MAML3: variants seen among roughly 807,000 people sequenced by gnomAD.
The protein encoded by MAML3 is mastermind-like protein 3.
In MAML3, 27 loss-of-function variants were observed where a neutral mutation model predicts 101.9. The observed-to-expected ratio is 0.27, with a 90% CI of 0.20 to 0.37. The LOEUF is 0.37. Ranked by LOEUF, MAML3 falls within the 10% of genes least tolerant of loss-of-function variation. The probability of loss-of-function intolerance (pLI) is 1.00; values close to 1 mark genes in which losing one functional copy is unlikely to be tolerated. For synonymous variants in MAML3, 501 were observed against 555.9 expected, an observed-to-expected ratio of 0.90 and a Z score of 1.39; for missense variants, 1,316 against 1,444.9, an observed-to-expected ratio of 0.91 and a Z score of 1.45.
intron 1 of MAML3, among the ~76,000 whole-genome samples, chr4:140,049,731 T>C (rs1727237896): frequency 1.3e-5 from 2 of 152,012 alleles, no homozygotes; most frequent in Non-Finnish European, 2.9e-5. Context: ...GGGAGAAAGA[T>C]GGTTATCTAG....
chr4:139,877,889 C>T (rs1349804756), intron 2 of MAML3, among the ~76,000 whole-genome samples: 6 of 152,124 alleles, frequency 3.9e-5, no homozygotes, highest in Admixed American at 1.3e-4. Flanking sequence ...ATTATACCAT[C>T]CCAATATTTA....
intron 1 of MAML3, among the ~76,000 whole-genome samples, chr4:140,120,651 C>A (rs1728592518): frequency 6.6e-6 from 1 of 152,194 alleles, no homozygotes; most frequent in African/African-American, 2.4e-5. Context: ...CATATAAAGA[C>A]TGGTCACAGC....
At chr4:140,151,690 C>CGGG (rs397995581) in intron 1 of MAML3, among the ~76,000 whole-genome samples, 30 of 125,644 alleles carry the variant, frequency 2.4e-4, no homozygotes, top group South Asian at 5.5e-4. Flanking sequence ...CGGCGCGGTG[C>CGGG]GGGGGGGGGG....
At chr4:139,800,234 T>TTAC (rs1177528834) in intron 2 of MAML3, among the ~76,000 whole-genome samples, 2 of 152,116 alleles carry the variant, frequency 1.3e-5, no homozygotes, top group African/African-American at 4.8e-5. Context: ...ATGCAGTGAT[T>TTAC]TAGGAGTGGT....
chr4:139,909,196 A>G (rs77460905), intron 1 of MAML3, among the ~76,000 whole-genome samples: 267 of 152,330 alleles, frequency 1.8e-3, no homozygotes, highest in African/African-American at 6.2e-3. Flanking sequence ...AAATAGGCAT[A>G]TTCACATCTG....
chr4:139,777,440 C>T (rs1204363259), intron 2 of MAML3, among the ~76,000 whole-genome samples: 1 of 152,226 alleles, frequency 6.6e-6, no homozygotes, highest in African/African-American at 2.4e-5. Flanking sequence ...TTCCCCAGTC[C>T]AAGCCATCAT....
intron 2 of MAML3, among the ~76,000 whole-genome samples, chr4:139,843,805 G>C (rs1224269707): frequency 2.0e-5 from 3 of 152,102 alleles, no homozygotes; most frequent in Non-Finnish European, 4.4e-5. Flanking sequence ...TTCAAAAAAT[G>C]AGCATTTCTT....
chr4:139,749,894 C>CA lies in MAML3; in HGVS notation c.2080-19228dup, dbSNP rs397748040. Among the ~76,000 whole-genome samples, 50 of 107,964 alleles carry CA rather than the reference C, an allele frequency of 4.6e-4. 1 individual carries two copies. In the South Asian group the frequency reaches 4.9e-3, roughly 11 times the overall value. The allele number at this position is 107,964 out of a possible 152,430, so 70.8% of individuals were successfully genotyped here. On this transcript the variant is annotated intron_variant, in intron 2 of 4. Transcript: ENST00000509479. Reference sequence around the variant, plus strand: ...GTGGAGATGAATAAGAACCCCCCCCCACCCTATTCTGCCAAAAGTGGAATT... The same window carrying CA: ...GTGGAGATGAATAAGAACCCCCCCCCAACCCTATTCTGCCAAAAGTGGAATT...
At position 139,932,510 on chromosome 4, in the gene MAML3, C is replaced by T. The variant is rs57678721; in HGVS notation, c.469-41543G>A. 4.8e-3 allele frequency among the ~76,000 whole-genome samples: 736 copies of T among 152,230 alleles called. 6 individuals carry two copies. The highest frequency in any genetic ancestry group is 0.016 in the African/African-American group (677 of 41,520). ...TTGATTGTTTACATATAAATGAGTG[C>T]TTCCAAAGTGCTTGAGGGGAGCAGG... On this transcript the variant is annotated intron_variant, in intron 1 of 4. Transcript: ENST00000509479.
At chr4:139,757,980 C>T (rs1729686880) in intron 2 of MAML3, among the ~76,000 whole-genome samples, 1 of 152,172 alleles carries the variant, frequency 6.6e-6, no homozygotes, top group African/African-American at 2.4e-5. Context: ...CTAGCCTTCT[C>T]ATTGCATGTG....
chr4:139,946,024 TAA>T (rs1299309997), intron 1 of MAML3, among the ~76,000 whole-genome samples: 1 of 152,204 alleles, frequency 6.6e-6, no homozygotes, highest in Non-Finnish European at 1.5e-5. Flanking sequence ...GAGAAAATGT[TAA>T]GTTTCCCCAA....
intron 1 of MAML3, 142 bp downstream of exon 1, chr4:140,152,718 G>T (rs945311776): frequency 1.4e-6 from 2 of 1,394,970 alleles, no homozygotes. Context: ...AAGAAAAGTT[G>T]ACGTTAACCC....
intron 1 of MAML3, among the ~76,000 whole-genome samples, chr4:140,067,797 G>A (rs1054122756): frequency 6.9e-6 from 1 of 145,700 alleles, no homozygotes; most frequent in Non-Finnish European, 1.5e-5. Context: ...GCAACAGCAC[G>A]ATCTCTGCTC....
At chr4:139,727,478 T>C (rs1728521625) in intron 3 of MAML3, among the ~76,000 whole-genome samples, 2 of 152,096 alleles carry the variant, frequency 1.3e-5, no homozygotes, top group African/African-American at 4.8e-5. Context: ...TATCCTGGAG[T>C]CAGGAATCAG....
intron 1 of MAML3, among the ~76,000 whole-genome samples, chr4:139,959,742 T>C (rs1344028735): frequency 6.6e-6 from 1 of 152,200 alleles, no homozygotes; most frequent in Non-Finnish European, 1.5e-5. Context: ...TCCATGCTGC[T>C]AGTGAAATAT....
At chr4:140,038,406 T>C (rs1727024172) in intron 1 of MAML3, among the ~76,000 whole-genome samples, 1 of 152,360 alleles carries the variant, frequency 6.6e-6, no homozygotes, top group African/African-American at 2.4e-5. Flanking sequence ...CACATCAGTA[T>C]GGAGAGATCC....
chr4:140,032,544 C>G (rs1298379465), intron 1 of MAML3, among the ~76,000 whole-genome samples: 2 of 152,142 alleles, frequency 1.3e-5, no homozygotes, highest in East Asian at 3.9e-4. Flanking sequence ...TGTACTTTGA[C>G]TATTAAACCT....
chr4:140,096,200 C>T (rs192704612), intron 1 of MAML3, among the ~76,000 whole-genome samples: 62 of 152,314 alleles, frequency 4.1e-4, no homozygotes, highest in Non-Finnish European at 6.8e-4. Flanking sequence ...TAGCAACTTA[C>T]GCACTTTGGG....
intron 2 of MAML3, among the ~76,000 whole-genome samples, chr4:139,860,869 G>A (rs1268157745): frequency 2.0e-5 from 3 of 152,108 alleles, no homozygotes; most frequent in African/African-American, 7.2e-5. Flanking sequence ...ATCCGGTAAT[G>A]ATTAATTTCA....
Sources: allele counts gnomAD v4.1 joint callset (sites outside exome capture counted in the v4.1 genomes callset), GRCh38; gene constraint gnomAD v4.1.1; transcripts MANE v1.5; gene names NCBI Gene and HGNC (gene_info 2026-07-23, HGNC 2026-07-21).